Variants in CPNE4 observed in about 807,000 individuals in gnomAD.
The protein encoded by CPNE4 is copine 4.
Under a neutral mutation model 67.9 loss-of-function variants are expected in CPNE4, and 25 were observed. That is an observed-to-expected ratio of 0.37 (90% CI 0.27 to 0.51). CPNE4 has a LOEUF of 0.51. CPNE4 is among the 20% of genes least tolerant of loss of function. CPNE4 has a pLI of 0.93. For synonymous variants in CPNE4, 242 were observed against 244.9 expected (o/e 0.99, Z 0.11); for missense variants, 464 against 690.8 (o/e 0.67, Z 3.68).
chr3:131,598,973 A>G (rs1939056606), intron 7 of CPNE4, among the ~76,000 whole-genome samples: 1 of 152,112 alleles, frequency 6.6e-6, no homozygotes, highest in Non-Finnish European at 1.5e-5. Flanking sequence ...CAGAAAGGTA[A>G]AAAGCAAACT....
At chr3:131,782,323 C>T (rs1039205739) in intron 2 of CPNE4, among the ~76,000 whole-genome samples, 1 of 152,076 alleles carries the variant, frequency 6.6e-6, no homozygotes, top group Non-Finnish European at 1.5e-5. Context: ...CATCTCTATT[C>T]AAACATTTAA....
At chr3:132,031,948 A>G (rs2074245622) in intron 1 of CPNE4, among the ~76,000 whole-genome samples, 1 of 152,182 alleles carries the variant, frequency 6.6e-6, no homozygotes, top group African/African-American at 2.4e-5. Context: ...ACTTCTCTAT[A>G]AACAGATAAC....
chr3:131,655,958 A>G (rs9861011), intron 7 of CPNE4, among the ~76,000 whole-genome samples: 69,179 of 151,896 alleles, frequency 0.46, 17,095 homozygotes, highest in African/African-American at 0.65. Context: ...AAAATCCACA[A>G]GGCTACTTTC....
intron 2 of CPNE4, among the ~76,000 whole-genome samples, chr3:131,893,690 T>A (rs1218699345): frequency 4.6e-5 from 7 of 151,782 alleles, no homozygotes; most frequent in Admixed American, 4.6e-4. Flanking sequence ...TACATGGAAA[T>A]TAAACAGCAC....
At chr3:131,640,238 A>C (rs2079505724) in intron 7 of CPNE4, among the ~76,000 whole-genome samples, 1 of 152,184 alleles carries the variant, frequency 6.6e-6, no homozygotes, top group Admixed American at 6.5e-5. Context: ...TGCAGATGAT[A>C]TGATTGTATA....
At chr3:131,551,022 T>A (rs1247360741) in intron 13 of CPNE4, among the ~76,000 whole-genome samples, 1 of 152,128 alleles carries the variant, frequency 6.6e-6, no homozygotes, top group African/African-American at 2.4e-5. Flanking sequence ...GTGCCTGTGT[T>A]ATTGCTTGCC....
chr3:131,801,384 TA>T (rs2084105762), intron 2 of CPNE4, among the ~76,000 whole-genome samples: 1 of 93,684 alleles, frequency 1.1e-5, no homozygotes, highest in Non-Finnish European at 2.1e-5. Flanking sequence ...TATATATATA[TA>T]TGGTACATAT....
At chr3:131,887,796 T>G (rs1158384046) in intron 2 of CPNE4, among the ~76,000 whole-genome samples, 2 of 152,208 alleles carry the variant, frequency 1.3e-5, no homozygotes, top group Non-Finnish European at 2.9e-5. Context: ...TTTAAACTAA[T>G]TATAGAACCT....
At chr3:131,934,201 T>C (rs529778055) in intron 1 of CPNE4, among the ~76,000 whole-genome samples, 129 of 152,228 alleles carry the variant, frequency 8.5e-4, no homozygotes, top group African/African-American at 3.0e-3. Flanking sequence ...CTATTTGAAT[T>C]TAGGAAGACG....
chr3:131,891,776 G>A (rs1006849576), intron 2 of CPNE4, among the ~76,000 whole-genome samples: 8 of 152,094 alleles, frequency 5.3e-5, no homozygotes, highest in South Asian at 4.1e-4. Flanking sequence ...TGGCTGCATC[G>A]TATTTCATAG....
chr3:131,657,136 T>C (rs554896876), intron 7 of CPNE4, among the ~76,000 whole-genome samples: 41 of 152,238 alleles, frequency 2.7e-4, no homozygotes, highest in Non-Finnish European at 5.4e-4. Context: ...TTATTAATAA[T>C]TGAGGGCTCA....
chr3:131,690,945 AT>A lies in CPNE4; in HGVS notation c.508-4988del, dbSNP rs368323373. ...CGACCCGCAAGTGGTCAACATACAT[AT>A]GAAAAAATGCCCAATGTCACTGATT... On this transcript the variant is annotated intron_variant, in intron 5 of 15. Transcript: ENST00000429747. Among the ~76,000 whole-genome samples, 40 of 152,336 alleles carry A rather than the reference AT, an allele frequency of 2.6e-4. 1 individual carries two copies. The highest frequency in any genetic ancestry group is 9.1e-4 in the African/African-American group (38 of 41,592).
chr3:132,039,073 A>G (rs2074376290), upstream of CPNE4, among the ~76,000 whole-genome samples: 1 of 152,248 alleles, frequency 6.6e-6, no homozygotes, highest in South Asian at 2.1e-4. Context: ...TAAATGCTAA[A>G]CAGTCATAAG....
chr3:131,625,634 G>T (rs1426375099), intron 7 of CPNE4, among the ~76,000 whole-genome samples: 4 of 152,148 alleles, frequency 2.6e-5, no homozygotes, highest in African/African-American at 9.7e-5. Flanking sequence ...ATCCATGGAG[G>T]ATATGTTCTA....
chr3:131,545,413 A>T (rs1243271898), intron 14 of CPNE4, among the ~76,000 whole-genome samples: 1 of 152,218 alleles, frequency 6.6e-6, no homozygotes, highest in Non-Finnish European at 1.5e-5. Flanking sequence ...GGGGTAAATT[A>T]CATTTTTATT....
chr3:131,601,856 G>T (rs978047813), intron 7 of CPNE4, among the ~76,000 whole-genome samples: 11 of 152,104 alleles, frequency 7.2e-5, no homozygotes, highest in African/African-American at 1.9e-4. Flanking sequence ...GAGATGCGGG[G>T]GATGTTGTAG....
chr3:131,580,661 G>C (rs1236654869), intron 9 of CPNE4, among the ~76,000 whole-genome samples: 1 of 152,010 alleles, frequency 6.6e-6, no homozygotes, highest in Non-Finnish European at 1.5e-5. Flanking sequence ...CAGGGTTGTG[G>C]TAAGAATTAA....
intron 2 of CPNE4, among the ~76,000 whole-genome samples, chr3:131,886,575 A>T (rs1225426634): frequency 2.0e-5 from 3 of 152,158 alleles, no homozygotes; most frequent in Non-Finnish European, 4.4e-5. Context: ...TGCACTGTGC[A>T]CCTGGAAAAG....
rs143272276 is a variant in CPNE4, at chr3:131,596,157, C to CAAAT, written c.682-8576_682-8575insATTT. Among the ~76,000 whole-genome samples the CAAAT allele has an allele frequency of 1.7e-3, 262 of 151,726 alleles. 4 individuals carry two copies. The East Asian group carries it at 0.047, about 28-fold the overall frequency. On this transcript the variant is annotated intron_variant, in intron 7 of 15. Transcript: ENST00000429747. ...TTAAGTGTTCTAACAAACAAACAAACAAACAAATAAATAAGTAAATTGATG... is the reference window on the plus strand; with the variant it reads ...TTAAGTGTTCTAACAAACAAACAAACAAATAAACAAATAAATAAGTAAATTGATG...
Sources: allele counts gnomAD v4.1 joint callset (sites outside exome capture counted in the v4.1 genomes callset), GRCh38; gene constraint gnomAD v4.1.1; transcripts MANE v1.5; gene names NCBI Gene and HGNC (gene_info 2026-07-23, HGNC 2026-07-21).